LARS1: variants seen among roughly 807,000 people sequenced by gnomAD.
LARS1 encodes the protein leucine--tRNA ligase, cytoplasmic.
Under a neutral mutation model 162.8 loss-of-function variants are expected in LARS1, and 100 were observed. That is an observed-to-expected ratio of 0.61 (90% CI 0.52 to 0.73). The LOEUF (loss-of-function observed/expected upper bound fraction) is 0.73. LARS1 is among the 30% of genes least tolerant of loss of function. The pLI is 0.00. For missense variants in LARS1, 1,258 were observed against 1,408.9 expected (o/e 0.89, Z 1.71); for synonymous variants, 457 against 462.8 (o/e 0.99, Z 0.16).
At chr5:146,153,674 G>T in intron 12 of LARS1, 60 bp downstream of exon 12, 2 of 1,299,100 alleles carry the variant, frequency 1.5e-6, no homozygotes, top group Non-Finnish European at 2.2e-6. Flanking sequence ...GCGTAGTTCA[G>T]CAGCACCTAA....
intron 5 of LARS1, among the ~76,000 whole-genome samples, chr5:146,167,324 T>C (rs1754055428): frequency 6.6e-6 from 1 of 152,212 alleles, no homozygotes; most frequent in South Asian, 2.1e-4. Context: ...ATTTAACATC[T>C]ATATACTATC....
intron 22 of LARS1, 151 bp from the exon 23 acceptor site, chr5:146,133,232 A>C: frequency 1.7e-6 from 1 of 575,226 alleles, no homozygotes; most frequent in Non-Finnish European, 2.9e-6. Flanking sequence ...AAAAATTAAA[A>C]TCACCAAAAA....
At chr5:146,150,911 C>G (rs948729581) in intron 14 of LARS1, among the ~76,000 whole-genome samples, 2 of 144,922 alleles carry the variant, frequency 1.4e-5, no homozygotes, top group African/African-American at 2.6e-5. Flanking sequence ...CGCACTCCAG[C>G]CTGTGAGACA....
intron 13 of LARS1, among the ~76,000 whole-genome samples, chr5:146,152,509 A>G (rs1753342820): frequency 6.6e-6 from 1 of 152,068 alleles, no homozygotes. Context: ...GCATGGAGGG[A>G]TCTAGGTTGC....
intron 29 of LARS1, among the ~76,000 whole-genome samples, chr5:146,123,512 A>G (rs1225070443): frequency 6.6e-6 from 1 of 151,974 alleles, no homozygotes; most frequent in Non-Finnish European, 1.5e-5. Flanking sequence ...ATAATATATC[A>G]TGAACCAAAT....
At chr5:146,129,180 G>T (rs1752172946) in intron 25 of LARS1, 62 bp from the exon 26 acceptor site, 1 of 1,389,782 alleles carries the variant, frequency 7.2e-7, no homozygotes. Flanking sequence ...CTATTTTACG[G>T]TTCTTGATTA....
intron 25 of LARS1, 134 bp downstream of exon 25, chr5:146,129,884 T>C (rs1752203561): frequency 4.6e-6 from 4 of 874,236 alleles, no homozygotes; most frequent in Non-Finnish European, 5.2e-6. Flanking sequence ...GTCATAATTA[T>C]GATGCTGAAT....
rs561982651 is a variant in LARS1 at position 146,152,375 on chromosome 5, T to C, written c.1285-373A>G. Among the ~76,000 whole-genome samples, 35 of 152,234 alleles carry C rather than the reference T, an allele frequency of 2.3e-4. No homozygotes were observed. In the South Asian group the frequency reaches 7.3e-3, roughly 32 times the overall value. On this transcript the variant is annotated intron_variant, in intron 13 of 31. Transcript: ENST00000394434. ...TGTGGACCGGTACCAGTCCATGGCA[T>C]TAGGAACCAGGCTGCACAGCAGGAG...
chr5:146,114,847 C>T (rs1764129527), intron 31 of LARS1, among the ~76,000 whole-genome samples: 1 of 151,598 alleles, frequency 6.6e-6, no homozygotes, highest in South Asian at 2.1e-4. Flanking sequence ...AGATCGAGAC[C>T]ATCCTGACCA....
At chr5:146,152,121 G>T in intron 13 of LARS1, 119 bp from the exon 14 acceptor site, 1 of 1,030,712 alleles carries the variant, frequency 9.7e-7, no homozygotes, top group Non-Finnish European at 1.5e-6. Flanking sequence ...ATGTCATTAC[G>T]ACACTGCCAC....
chr5:146,174,515 T>TCC (rs1427559629), intron 2 of LARS1, among the ~76,000 whole-genome samples: 3 of 60,532 alleles, frequency 5.0e-5, no homozygotes, highest in African/African-American at 1.6e-4. Flanking sequence ...TATATATATA[T>TCC]ATATCCATAT....
At chr5:146,115,136 G>A (rs1050644560) in intron 31 of LARS1, among the ~76,000 whole-genome samples, 2 of 151,010 alleles carry the variant, frequency 1.3e-5, no homozygotes, top group East Asian at 2.0e-4. Flanking sequence ...AGCTCAAAGT[G>A]TCAGAGATTC....
At chr5:146,167,624 G>A (rs555221210) in intron 5 of LARS1, among the ~76,000 whole-genome samples, 3 of 152,124 alleles carry the variant, frequency 2.0e-5, no homozygotes, top group South Asian at 2.1e-4. Context: ...TCGATCTCCT[G>A]ACCTCGTGAT....
At chr5:146,180,734 C>T (rs575569903) in intron 1 of LARS1, among the ~76,000 whole-genome samples, 3 of 152,122 alleles carry the variant, frequency 2.0e-5, no homozygotes, top group Admixed American at 1.3e-4. Context: ...GGCCCAAACA[C>T]CAACTTGTTG....
rs150503335 is a variant in LARS1, at chr5:146,144,279, T to C, written c.1726A>G (p.Thr576Ala). ...GWLQEHACSR[T>A]YGLGTHLPWD... The stretch of plus-strand genomic sequence containing the variant: ...CAAGTTTGTTTACCTAGACCATAAG[T>C]TCTTGAGCAAGCATGTTCTTGTAGC... Residue 576 changes from threonine to alanine, a missense_variant, in exon 18 of 32, where the codon ACT (threonine) becomes GCT (alanine). Transcript: ENST00000394434. 6.1e-5 allele frequency: 98 copies of C among 1,610,174 alleles called. No individual in the cohort carries two copies. The highest frequency in any genetic ancestry group is 7.5e-5 in the Non-Finnish European group (89 of 1,179,016).
Position 146,131,067 on chromosome 5 carries a change from T to C in LARS1, c.2439A>G (p.Glu813=), listed in dbSNP as rs769498469. The change falls in exon 24 of 32, where the codon GAA becomes GAG. Residue 813 remains glutamate (E), a synonymous_variant. Transcript: ENST00000394434. Reference sequence around the variant, plus strand: ...TCAAAGCTTCTTTAAACATCATCTTTTCATAGTTTTGATCTGTTTTTATAA... The same window carrying C: ...TCAAAGCTTCTTTAAACATCATCTTCTCATAGTTTTGATCTGTTTTTATAA... ...AGIIKTDQNY[E]KMMFKEALKT... 3 of 1,597,916 alleles carry C rather than the reference T, an allele frequency of 1.9e-6. No homozygotes were observed. Among genetic ancestry groups the C allele is most frequent in the Admixed American group, 3.4e-5 (2 of 58,432 alleles).
rs768774667 is a variant in LARS1, at chr5:146,172,753, G to A, written c.147C>T (p.Thr49=). The A allele has an allele frequency of 4.7e-5, 73 of 1,566,524 alleles. No homozygotes were observed. The highest frequency in any genetic ancestry group is 5.8e-5 in the Non-Finnish European group (67 of 1,156,724). ...GTCCATTCATATATGGATATGGGAA[G>A]GTTACAAAATACTTGCCCTTGCTGC... The part of the protein sequence containing the change: ...KQTSKGKYFV[T]FPYPYMNGRL... The change falls in exon 3 of 32, where the codon ACC becomes ACT. Residue 49 remains threonine (T), a synonymous_variant. Transcript: ENST00000394434.
chr5:146,154,095 T>G lies in LARS1; in HGVS notation c.1066-115A>C, dbSNP rs2037746443. On this transcript the variant is annotated intron_variant, in intron 10 of 31. Transcript: ENST00000394434. ...GCTAGTAATCAAAAATATATGGAAA[T>G]AAATTCAAGAGCTATATTGTACAAT... is the stretch of plus-strand genomic sequence containing the variant. 3 of 685,112 alleles carry G rather than the reference T, an allele frequency of 4.4e-6. No homozygotes were observed. The East Asian group carries it at 8.2e-5, about 19-fold the overall frequency. 42.4% of individuals were successfully genotyped at this position (685,112 alleles called of 1,614,324 possible). A position where few individuals can be genotyped will look rare whatever the true frequency, so the allele number is the denominator to read the frequency against.
At chr5:146,134,441 C>T (rs1374147388) in intron 22 of LARS1, among the ~76,000 whole-genome samples, 1 of 152,026 alleles carries the variant, frequency 6.6e-6, no homozygotes, top group African/African-American at 2.4e-5. Flanking sequence ...GGTGTCCAGT[C>T]AAAATACTGA....
Sources: gnomAD v4.1 joint callset for allele counts (sites outside exome capture counted in the v4.1 genomes callset) on GRCh38, gnomAD v4.1.1 for gene constraint, MANE v1.5 for transcripts, NCBI Gene and HGNC (gene_info 2026-07-23, HGNC 2026-07-21) for gene names.